The following C3orf49 variants were observed in gnomAD, a reference collection of about 807,000 sequenced individuals.
C3orf49 encodes the protein putative uncharacterized protein C3orf49.
In C3orf49, 27 loss-of-function variants were observed where a neutral mutation model predicts 13.3. The observed-to-expected ratio is 2.02, with a 90% confidence interval of 1.49 to 2.79. C3orf49 has a LOEUF of 2.79. C3orf49 is among the 30% of genes most tolerant of loss of function. The probability of loss-of-function intolerance (pLI) is 0.00; values close to 1 mark genes in which losing one functional copy is unlikely to be tolerated. For synonymous variants in C3orf49, 87 were observed against 47.6 expected (o/e 1.83, Z -3.40); for missense variants, 242 against 134.2 (o/e 1.80, Z -3.97).
chr3:63,802,707 A>T, the C3orf49 span, among the ~76,000 whole-genome samples: 1 of 152,184 alleles, frequency 6.6e-6, no homozygotes, highest in Non-Finnish European at 1.5e-5. Context: ...TCCATACATT[A>T]TCTTTTAGAA....
At chr3:63,797,029 A>G in the C3orf49 span, among the ~76,000 whole-genome samples, 10 of 152,008 alleles carry the variant, frequency 6.6e-5, no homozygotes, top group Non-Finnish European at 1.0e-4. Flanking sequence ...AATTGGATAT[A>G]TCTAAGGTAT....
At chr3:63,829,891 C>G (rs1247079790) in intron 3 of C3orf49, among the ~76,000 whole-genome samples, 1 of 152,130 alleles carries the variant, frequency 6.6e-6, no homozygotes, top group East Asian at 1.9e-4. Flanking sequence ...CCGGAGCCCA[C>G]AGAGGTCAAG....
intron 5 of C3orf49, chr3:63,835,291 C>G (rs771526976): frequency 6.2e-7 from 1 of 1,612,818 alleles, no homozygotes; most frequent in South Asian, 1.1e-5. Flanking sequence ...GACAGATAGA[C>G]AGATCATGAA....
Position 63,845,094 on chromosome 3 carries a change from C to T in C3orf49, c.*30+12C>T. On this transcript the variant is annotated intron_variant, in intron 6 of 6. Transcript: ENST00000295896. ...GAACACAGGAAAAGGTGATGCTAAC[C>T]TTCTTTTCTGGGGGTGGGGGGTACT... The T allele has an allele frequency of 1.4e-6, 1 of 694,114 alleles. No homozygotes were observed. Among genetic ancestry groups the T allele is most frequent in the Non-Finnish European group, 2.6e-6 (1 of 380,736 alleles). The allele number at this position is 694,114 out of a possible 1,614,324, so 43.0% of individuals were successfully genotyped here.
the C3orf49 span, among the ~76,000 whole-genome samples, chr3:63,808,132 G>A: frequency 1.3e-5 from 2 of 151,928 alleles, no homozygotes; most frequent in Admixed American, 6.5e-5. Context: ...CATCTTCTCT[G>A]AGGCTAGAAG....
At chr3:63,801,055 A>G in the C3orf49 span, among the ~76,000 whole-genome samples, 10 of 152,180 alleles carry the variant, frequency 6.6e-5, no homozygotes, top group East Asian at 3.9e-4. Flanking sequence ...TTCACCTTGT[A>G]TCTGCCCAGG....
At chr3:63,842,030 C>A (rs1043001063) in intron 5 of C3orf49, among the ~76,000 whole-genome samples, 4 of 152,014 alleles carry the variant, frequency 2.6e-5, no homozygotes, top group African/African-American at 9.7e-5. Context: ...TCTAAGGCAA[C>A]CTGGGGAGTG....
chr3:63,787,254 C>CAAAT, the C3orf49 span: 1 of 152,114 alleles, frequency 6.6e-6, no homozygotes, highest in Non-Finnish European at 1.5e-5. Context: ...GGAACACAGG[C>CAAAT]AAATCCATTA....
rs1198866199 is a variant in C3orf49 at position 63,827,428 on chromosome 3, G to A, written c.446-173G>A. 3 of 532,536 alleles carry A rather than the reference G, an allele frequency of 5.6e-6. No homozygotes were observed. In the African/African-American group the frequency reaches 5.7e-5, roughly 10 times the overall value. 33.0% of individuals were successfully genotyped at this position (532,536 alleles called of 1,614,324 possible). On this transcript the variant is annotated intron_variant, in intron 2 of 6. Transcript: ENST00000295896. ...CATAACAAAAGGCAAATGCGTGCAG[G>A]AGAAAGTGTAAGATTGGGAAGAGCA...
chr3:63,801,917 C>T, the C3orf49 span, among the ~76,000 whole-genome samples: 1 of 152,230 alleles, frequency 6.6e-6, no homozygotes. Context: ...TAGCATCTTA[C>T]ATGGTATCAG....
chr3:63,788,473 A>AACTCAGT, the C3orf49 span, among the ~76,000 whole-genome samples: 3 of 152,302 alleles, frequency 2.0e-5, no homozygotes, highest in East Asian at 3.9e-4. Context: ...GTTACGGAGC[A>AACTCAGT]ACTCAGTGTC....
rs1701764766 is a variant in C3orf49 at position 63,841,707 on chromosome 3, T to C, written c.850-3316T>C. ...TAAAAATACAAACTAATGCTTTCGG[T>C]TTTTTAACCACCAACATTATTATCT... is the stretch of plus-strand genomic sequence containing the variant. On this transcript the variant is annotated intron_variant, in intron 5 of 6. Transcript: ENST00000295896. Among the ~76,000 whole-genome samples, 3 of 152,194 alleles carry C rather than the reference T, an allele frequency of 2.0e-5. 1 individual carries two copies. In the South Asian group the frequency reaches 6.2e-4, roughly 31 times the overall value.
intron 5 of C3orf49, among the ~76,000 whole-genome samples, chr3:63,839,207 A>G (rs969272609): frequency 2.6e-5 from 4 of 152,092 alleles, no homozygotes; most frequent in Non-Finnish European, 5.9e-5. Flanking sequence ...AAAAGATTAG[A>G]TATACGTGTG....
At chr3:63,829,174 G>A (rs556130171) in intron 3 of C3orf49, among the ~76,000 whole-genome samples, 8 of 152,222 alleles carry the variant, frequency 5.3e-5, no homozygotes, top group South Asian at 2.1e-4. Flanking sequence ...TGCTAGGTTC[G>A]TATTCATTTT....
At chr3:63,824,726 AC>A (rs1701443440) in intron 2 of C3orf49, among the ~76,000 whole-genome samples, 3 of 151,782 alleles carry the variant, frequency 2.0e-5, no homozygotes. Flanking sequence ...CGTAGTCCCT[AC>A]TAGGGAAGCT....
chr3:63,829,353 C>A (rs930006154), intron 3 of C3orf49, among the ~76,000 whole-genome samples: 3 of 152,048 alleles, frequency 2.0e-5, no homozygotes, highest in African/African-American at 7.3e-5. Flanking sequence ...GTTGCTAGAA[C>A]AATTGGGCAT....
intron 5 of C3orf49, chr3:63,838,567 C>T: frequency 7.0e-7 from 1 of 1,426,968 alleles, no homozygotes; most frequent in Non-Finnish European, 9.4e-7. Context: ...TGTTATAATG[C>T]AGACAAATAT....
the C3orf49 span, among the ~76,000 whole-genome samples, chr3:63,811,325 G>A: frequency 4.7e-4 from 71 of 152,142 alleles, no homozygotes; most frequent in Non-Finnish European, 3.4e-4. Flanking sequence ...TTGGGAGGCC[G>A]AGGCGAGCGG....
intron 3 of C3orf49, among the ~76,000 whole-genome samples, chr3:63,828,426 T>C (rs554853362): frequency 1.3e-5 from 2 of 152,238 alleles, no homozygotes; most frequent in Non-Finnish European, 2.9e-5. Flanking sequence ...CAGCCTCCCA[T>C]CTAGCTGGGA....
Sources: allele counts gnomAD v4.1 joint callset (sites outside exome capture counted in the v4.1 genomes callset), GRCh38; gene constraint gnomAD v4.1.1; transcripts MANE v1.5; gene names NCBI Gene and HGNC (gene_info 2026-07-23, HGNC 2026-07-21).